Variants in FAM83D observed in about 807,000 individuals in gnomAD.
FAM83D encodes the protein protein FAM83D.
FAM83D carries 26 observed loss-of-function variants against 25.4 expected under a neutral mutation model. The ratio of observed to expected loss-of-function variants is 1.02; its 90% CI spans 0.75 to 1.42. The LOEUF is 1.42. FAM83D is among the 40% of genes most tolerant of loss of function. The probability of loss-of-function intolerance (pLI) is 0.00; values close to 1 mark genes in which losing one functional copy is unlikely to be tolerated. For synonymous variants in FAM83D, 310 were observed against 318.5 expected (o/e 0.97, Z 0.28); for missense variants, 740 against 758.1 (o/e 0.98, Z 0.28).
intron 1 of FAM83D, among the ~76,000 whole-genome samples, chr20:38,929,858 G>A (rs189235186): frequency 1.3e-5 from 2 of 152,152 alleles, no homozygotes; most frequent in African/African-American, 4.8e-5. Flanking sequence ...CCCAAGGAAG[G>A]TGCGATTATC....
intron 1 of FAM83D, among the ~76,000 whole-genome samples, chr20:38,929,627 A>G (rs74272986): frequency 0.17 from 26,276 of 151,390 alleles, 2,455 homozygotes; most frequent in East Asian, 0.34. Context: ...AAAAAAAAAA[A>G]AAAGCCAGGC....
intron 1 of FAM83D, among the ~76,000 whole-genome samples, chr20:38,935,767 G>C (rs2085676294): frequency 6.6e-6 from 1 of 152,142 alleles, no homozygotes; most frequent in East Asian, 1.9e-4. Flanking sequence ...TTTGATAATA[G>C]CCTCTGAAAC....
At chr20:38,945,490 C>T (rs1316744522) in intron 2 of FAM83D, among the ~76,000 whole-genome samples, 4 of 152,042 alleles carry the variant, frequency 2.6e-5, no homozygotes, top group Non-Finnish European at 4.4e-5. Context: ...CCAAGTTCTC[C>T]ACATGTTAAC....
At chr20:38,950,970 C>A (rs1395075977) in intron 3 of FAM83D, among the ~76,000 whole-genome samples, 1 of 152,098 alleles carries the variant, frequency 6.6e-6, no homozygotes, top group Non-Finnish European at 1.5e-5. Flanking sequence ...CAGTCATGCA[C>A]CACCACGCCT....
At chr20:38,935,246 TCCTCCC>T (rs1284577271) in intron 1 of FAM83D, among the ~76,000 whole-genome samples, 1 of 152,112 alleles carries the variant, frequency 6.6e-6, no homozygotes. Flanking sequence ...TGATAAGCCC[TCCTCCC>T]CCTACCCCCT....
chr20:38,934,423 G>A (rs997982539), intron 1 of FAM83D, among the ~76,000 whole-genome samples: 1 of 151,334 alleles, frequency 6.6e-6, no homozygotes, highest in Admixed American at 6.6e-5. Context: ...AACCTGGGAG[G>A]TGGAGGTTGT....
chr20:38,934,092 G>A (rs2145801288), intron 1 of FAM83D, among the ~76,000 whole-genome samples: 1 of 152,156 alleles, frequency 6.6e-6, no homozygotes, highest in East Asian at 1.9e-4. Flanking sequence ...CTGACGTCGT[G>A]ATCTGCCCTC....
At chr20:38,927,358 A>C (rs976110797) in intron 1 of FAM83D, among the ~76,000 whole-genome samples, 12 of 152,236 alleles carry the variant, frequency 7.9e-5, no homozygotes, top group African/African-American at 2.7e-4. Flanking sequence ...GGAAAGTTCC[A>C]GAAAGATGGT....
At chr20:38,950,353 T>C (rs1467119434) in intron 3 of FAM83D, among the ~76,000 whole-genome samples, 2 of 151,974 alleles carry the variant, frequency 1.3e-5, no homozygotes, top group Admixed American at 6.5e-5. Context: ...CCTATTGTGG[T>C]TGGAGAGAGT....
chr20:38,931,946 G>A (rs934799407), intron 1 of FAM83D, among the ~76,000 whole-genome samples: 2 of 152,214 alleles, frequency 1.3e-5, no homozygotes, highest in African/African-American at 4.8e-5. Context: ...AGGTGATTCT[G>A]TCTGCCTTTC....
At position 38,952,101 on chromosome 20, in the gene FAM83D, G is replaced by A. The variant is rs2145809804; in HGVS notation, c.1339G>A (p.Asp447Asn). Residue 447 changes from aspartate to asparagine, a missense_variant, in exon 4 of 4, where the codon GAT becomes AAT. By Grantham distance (23) the Asp-to-Asn change is conservative (BLOSUM62 1). Coordinates refer to ENST00000619850, the MANE Select transcript of FAM83D (RefSeq NM_030919.3). ...ATCGACCACTACTCAGACTGACATGGATGAGAACATTCTCTTTCCTCGAGG... is the reference window on the plus strand; with the variant it reads ...ATCGACCACTACTCAGACTGACATGAATGAGAACATTCTCTTTCCTCGAGG... ...SRSTTTQTDMDENILFPRGTQ... is the reference protein window; with the variant it reads ...SRSTTTQTDMNENILFPRGTQ... The A allele has an allele frequency of 1.2e-6, 2 of 1,614,208 alleles. No homozygotes were observed. The highest frequency in any genetic ancestry group is 1.7e-6 in the Non-Finnish European group (2 of 1,180,042).
chr20:38,944,801 T>C (rs2085719654), intron 2 of FAM83D, among the ~76,000 whole-genome samples: 1 of 152,052 alleles, frequency 6.6e-6, no homozygotes, highest in African/African-American at 2.4e-5. Flanking sequence ...TAGCCAGGCC[T>C]GGTGGCACAC....
At chr20:38,929,462 C>A (rs1361367147) in intron 1 of FAM83D, among the ~76,000 whole-genome samples, 1 of 151,942 alleles carries the variant, frequency 6.6e-6, no homozygotes, top group Non-Finnish European at 1.5e-5. Context: ...GGGGGCTGGC[C>A]CACAAGTGTT....
At chr20:38,932,723 A>G (rs1025281014) in intron 1 of FAM83D, among the ~76,000 whole-genome samples, 11 of 152,188 alleles carry the variant, frequency 7.2e-5, no homozygotes, top group African/African-American at 2.4e-4. Flanking sequence ...GTGCTTATGA[A>G]TTGGCTGTCC....
intron 2 of FAM83D, among the ~76,000 whole-genome samples, chr20:38,943,912 A>G (rs2085714266): frequency 6.6e-6 from 1 of 152,024 alleles, no homozygotes. Context: ...GGCTGGTCTC[A>G]AACTCCTGAC....
At chr20:38,947,759 A>G in intron 2 of FAM83D, 117 bp from the exon 3 acceptor site, 2 of 1,259,726 alleles carry the variant, frequency 1.6e-6, no homozygotes, top group Non-Finnish European at 1.1e-6. Flanking sequence ...TAAGCCACGC[A>G]TATGCCAATA....
At chr20:38,942,182 C>T (rs762746621) in intron 2 of FAM83D, 56 bp downstream of exon 2, 4 of 1,579,250 alleles carry the variant, frequency 2.5e-6, no homozygotes, top group South Asian at 2.2e-5. Flanking sequence ...ACCAAGCATC[C>T]ATTATCTACA....
At chr20:38,927,242 G>A (rs2085639951) in intron 1 of FAM83D, among the ~76,000 whole-genome samples, 1 of 152,184 alleles carries the variant, frequency 6.6e-6, no homozygotes, top group African/African-American at 2.4e-5. Flanking sequence ...CCAAATTTCA[G>A]TTAAAATCAA....
intron 3 of FAM83D, among the ~76,000 whole-genome samples, 166 bp from the exon 4 acceptor site, chr20:38,951,373 A>G (rs1279391299): frequency 6.6e-6 from 1 of 152,232 alleles, no homozygotes; most frequent in Non-Finnish European, 1.5e-5. Flanking sequence ...TAAATGTTAT[A>G]TATGTGTTAA....
Sources: gnomAD v4.1 joint callset for allele counts (sites outside exome capture counted in the v4.1 genomes callset) on GRCh38, gnomAD v4.1.1 for gene constraint, MANE v1.5 for transcripts, NCBI Gene and HGNC (gene_info 2026-07-23, HGNC 2026-07-21) for gene names.